The following PWWP3A variants were observed in gnomAD, a reference collection of about 807,000 sequenced individuals.
PWWP3A encodes the protein PWWP domain-containing DNA repair factor 3A.
In PWWP3A, 53 loss-of-function variants were observed where a neutral mutation model predicts 79.0. The observed-to-expected ratio is 0.67, with a 90% CI of 0.54 to 0.84. The LOEUF is 0.84. PWWP3A is among the 40% of genes least tolerant of loss of function. PWWP3A has a pLI of 0.00. For missense variants in PWWP3A, 973 were observed against 948.0 expected (o/e 1.03, Z -0.35); for synonymous variants, 443 against 394.4 (o/e 1.12, Z -1.46).
At position 1,368,721 on chromosome 19, in the gene PWWP3A, G is replaced by A. The variant is rs938520121; in HGVS notation, c.1423-544G>A. 2.6e-5 allele frequency among the ~76,000 whole-genome samples: 4 copies of A among 152,338 alleles called. No homozygotes were observed. The highest frequency in any genetic ancestry group is 2.6e-4 in the Admixed American group (4 of 15,300). ...GTGCTGGCCTAGCCTGGCTGCAGAC[G>A]ATAGCTCCCAACAAAAACGGCTGTT... On this transcript the variant is annotated intron_variant, in intron 9 of 13. Transcript: ENST00000591337. The surrounding 1 kb of genome is among the most constrained non-coding windows in gnomAD (Gnocchi z 4.7).
chr19:1,375,524 A>AAT (rs1472643108), intron 13 of PWWP3A, among the ~76,000 whole-genome samples: 16 of 6,456 alleles, frequency 2.5e-3, no homozygotes, highest in South Asian at 9.8e-3. Context: ...ATAAAATCAT[A>AAT]TAATTTATAT....
At chr19:1,356,145 G>A in intron 1 of PWWP3A, 179 bp from the exon 2 acceptor site, 1 of 549,930 alleles carries the variant, frequency 1.8e-6, no homozygotes, top group Non-Finnish European at 3.3e-6. Context: ...CCTGGATACC[G>A]AGCCCCGTCG....
In PWWP3A at chr19:1,355,007, C is replaced by T. The variant is rs1403618553; in HGVS notation, c.-198C>T. The T allele has an allele frequency of 5.6e-5, 8 of 142,254 alleles. No homozygotes were observed. The highest frequency in any genetic ancestry group is 2.0e-4 in the East Asian group (1 of 5,070). 8.8% of individuals were successfully genotyped at this position (142,254 alleles called of 1,614,324 possible). A position where few individuals can be genotyped will look rare whatever the true frequency, so the allele number is the denominator to read the frequency against. On this transcript the variant is annotated 5_prime_UTR_variant, in exon 1 of 14. Transcript: ENST00000591337. ...GGAGCGGCGGCGGCGGCGGCGGCGG[C>T]GGTGGCGGAGGCGGTGAGCGCGGGC...
rs144095247 is a variant in PWWP3A at position 1,362,280 on chromosome 19, C to G, written c.1142C>G (p.Ser381Cys). The G allele has an allele frequency of 3.1e-6, 5 of 1,614,080 alleles. No individual in the cohort carries two copies. Among genetic ancestry groups the G allele is most frequent in the African/African-American group, 2.7e-5 (2 of 75,040 alleles). ...CAGTCTTCCGAAGAGTCCATGGGGT[C>G]TAATTCCATGCGTTCTATCCTGGAG... ...ECQSSEESMG[S>C]NSMRSILEED... The change falls in exon 6 of 14, where the codon TCT becomes TGT. Residue 381 changes from serine (S) to cysteine (C), a missense_variant. Coordinates refer to ENST00000591337, the MANE Select transcript of PWWP3A (RefSeq NM_001369789.1).
At chr19:1,372,797 G>T (rs1056918164) in intron 12 of PWWP3A, 2 of 363,200 alleles carry the variant, frequency 5.5e-6, no homozygotes, top group Admixed American at 4.4e-5. Flanking sequence ...AAATTTTTGA[G>T]AAATGCTCTT....
Position 1,370,993 on chromosome 19 carries a change from G to T in PWWP3A, c.1901G>T (p.Gly634Val). The T allele has an allele frequency of 6.4e-7, 1 of 1,567,930 alleles. No homozygotes were observed. The change falls in exon 12 of 14, where the codon GGC becomes GTC. Residue 634 changes from glycine (G) to valine (V), a missense_variant. Physicochemically the swap from Gly to Val is moderately radical, Grantham distance 109 (BLOSUM62 -3). Coordinates refer to ENST00000591337, the MANE Select transcript of PWWP3A (RefSeq NM_001369789.1). ...QLDLVVKYLQGVYQEVGAKVL... is the reference protein window; with the variant it reads ...QLDLVVKYLQVVYQEVGAKVL... ...GACCTGGTGGTGAAGTACCTGCAGG[G>T]CGTCTACCAGGAGGTGGGGGCCAAG...
intron 3 of PWWP3A, chr19:1,357,342 A>G: frequency 2.7e-6 from 1 of 373,748 alleles, no homozygotes; most frequent in South Asian, 5.0e-5. Flanking sequence ...CAAACACTGA[A>G]TACATGTAAA....
chr19:1,366,156 T>C (rs2082123221), intron 7 of PWWP3A, 149 bp from the exon 8 acceptor site: 3 of 746,116 alleles, frequency 4.0e-6, no homozygotes, highest in Non-Finnish European at 6.7e-6. Context: ...GGGCCGTTTC[T>C]CAGCGCCTCC....
chr19:1,376,293 TTG>T (rs1435983010), intron 13 of PWWP3A, among the ~76,000 whole-genome samples: 3 of 85,712 alleles, frequency 3.5e-5, no homozygotes, highest in East Asian at 2.3e-4. Flanking sequence ...GCCCGGCTGT[TTG>T]TTTTTTTTTT....
chr19:1,358,546 G>A, intron 4 of PWWP3A, 82 bp downstream of exon 4: 1 of 1,603,938 alleles, frequency 6.2e-7, no homozygotes, highest in East Asian at 2.2e-5. Flanking sequence ...CAGCTTTCTG[G>A]GTAAAAATTC....
rs1306271176 is a variant in PWWP3A at position 1,376,611 on chromosome 19, C to A, written c.*35C>A. ...CGGCTGTGCTGTCAGCGGGGCCTGGCGGTGGAAGCGCCTCCAGTGTGCATG... is the reference window on the plus strand; with the variant it reads ...CGGCTGTGCTGTCAGCGGGGCCTGGAGGTGGAAGCGCCTCCAGTGTGCATG... On this transcript the variant is annotated 3_prime_UTR_variant, in exon 14 of 14. Coordinates refer to ENST00000591337, the MANE Select transcript of PWWP3A (RefSeq NM_001369789.1). 1.2e-6 allele frequency: 2 copies of A among 1,609,838 alleles called. No homozygotes were observed. Among genetic ancestry groups the A allele is most frequent in the Non-Finnish European group, 1.7e-6 (2 of 1,177,604 alleles).
At position 1,360,244 on chromosome 19, in the gene PWWP3A, G is replaced by A. The variant is rs763947982; in HGVS notation, c.323G>A (p.Ser108Asn). The change falls in exon 5 of 14, where the codon AGC becomes AAC. Residue 108 changes from serine (S) to asparagine (N), a missense_variant. Transcript: ENST00000591337. This position sits in a 1 kb window ranked among gnomAD's most constrained non-coding sequence, Gnocchi z 4.4. Reference protein sequence around the residue: ...LSEGSIWSQESSAGTGRADRS... With the variant: ...LSEGSIWSQENSAGTGRADRS... Reference sequence around the variant, plus strand: ...GAGGGCTCGATTTGGAGTCAAGAAAGCTCTGCAGGGACAGGTAGAGCTGAC... The same window carrying A: ...GAGGGCTCGATTTGGAGTCAAGAAAACTCTGCAGGGACAGGTAGAGCTGAC... 5 of 1,614,102 alleles carry A rather than the reference G, an allele frequency of 3.1e-6. No individual in the cohort carries two copies. The highest frequency in any genetic ancestry group is 1.3e-5 in the African/African-American group (1 of 75,066).
chr19:1,362,056 C>CTTCCCTCT, intron 5 of PWWP3A, 194 bp from the exon 6 acceptor site: 1 of 420,886 alleles, frequency 2.4e-6, no homozygotes, highest in Non-Finnish European at 4.3e-6. Context: ...TCCTTCCCTC[C>CTTCCCTCT]TTCCCTCTTG....
In PWWP3A at chr19:1,376,551, A is replaced by C. The variant is rs952967763; in HGVS notation, c.2108A>C (p.Glu703Ala). Residue 703 changes from glutamate (E) to alanine (A), a missense_variant, in exon 14 of 14, where the codon GAA (glutamate) becomes GCA (alanine). Physicochemically the swap from Glu to Ala is moderately radical, Grantham distance 107. Coordinates refer to ENST00000591337, the MANE Select transcript of PWWP3A (RefSeq NM_001369789.1). ...GAAATATTTGACAACCAGCTCCTTG[A>C]AGAGCGGAACCGGCGCCGTCGGTGA... is the stretch of plus-strand genomic sequence containing the variant. Reference protein sequence around the residue: ...EKEIFDNQLLEERNRRRR With the variant: ...EKEIFDNQLLAERNRRRR The C allele has an allele frequency of 6.2e-7, 1 of 1,613,582 alleles. No homozygotes were observed. The highest frequency in any genetic ancestry group is 8.5e-7 in the Non-Finnish European group (1 of 1,179,870).
At position 1,369,191 on chromosome 19, in the gene PWWP3A, C is replaced by A; in HGVS notation, c.1423-74C>A. 1.4e-6 allele frequency: 2 copies of A among 1,401,746 alleles called. No homozygotes were observed. The highest frequency in any genetic ancestry group is 2.0e-6 in the Non-Finnish European group (2 of 995,004). The allele number at this position is 1,401,746 out of a possible 1,614,324, so 86.8% of individuals were successfully genotyped here. ...CCTGGACACCTGGCTGGTCCCTGGGCTCTGCGTGGCTTCTGAACCCAGGGT... is the reference window on the plus strand; with the variant it reads ...CCTGGACACCTGGCTGGTCCCTGGGATCTGCGTGGCTTCTGAACCCAGGGT... On this transcript the variant is annotated intron_variant, in intron 9 of 13. Coordinates refer to ENST00000591337, the MANE Select transcript of PWWP3A (RefSeq NM_001369789.1). This position sits in a 1 kb window ranked among gnomAD's most constrained non-coding sequence, Gnocchi z 4.0.
intron 12 of PWWP3A, chr19:1,371,356 A>G: frequency 1.4e-6 from 1 of 703,642 alleles, no homozygotes; most frequent in Non-Finnish European, 2.6e-6. Flanking sequence ...CTCCCTCCCT[A>G]CTGCGGGCGC....
In PWWP3A at chr19:1,362,293, T is replaced by C. The variant is rs2082034471; in HGVS notation, c.1155T>C (p.Arg385=). 6.2e-7 allele frequency: 1 copy of C among 1,613,992 alleles called. No homozygotes were observed. Among genetic ancestry groups the C allele is most frequent in the Admixed American group, 1.7e-5 (1 of 59,984 alleles). The change falls in exon 6 of 14, where the codon CGT becomes CGC. Residue 385 remains arginine (R), a synonymous_variant. Coordinates refer to ENST00000591337, the MANE Select transcript of PWWP3A (RefSeq NM_001369789.1). The stretch of plus-strand genomic sequence containing the variant: ...AGTCCATGGGGTCTAATTCCATGCG[T>C]TCTATCCTGGAGGAAGACGAGGAAG... ...SEESMGSNSM[R]SILEEDEEDE...
intron 13 of PWWP3A, among the ~76,000 whole-genome samples, chr19:1,375,096 A>G (rs2082336814): frequency 6.6e-6 from 1 of 150,602 alleles, no homozygotes; most frequent in African/African-American, 2.4e-5. Flanking sequence ...GCACGCGCCT[A>G]TAGTCAGTCC....
chr19:1,376,422 G>T, intron 13 of PWWP3A, 97 bp from the exon 14 acceptor site: 1 of 1,241,998 alleles, frequency 8.1e-7, no homozygotes, highest in Non-Finnish European at 1.1e-6. Flanking sequence ...CCAAAGTGCT[G>T]GGATTACAGG....
Sources: gnomAD v4.1 joint callset for allele counts (sites outside exome capture counted in the v4.1 genomes callset) on GRCh38, gnomAD v4.1.1 for gene constraint, Gnocchi (gnomAD v3.1) non-coding constraint, MANE v1.5 for transcripts, NCBI Gene and HGNC (gene_info 2026-07-23, HGNC 2026-07-21) for gene names.